The following CDH13 variants were observed in gnomAD, a reference collection of about 807,000 sequenced individuals.
CDH13 encodes cadherin-13.
A neutral mutation model predicts 63.8 loss-of-function variants in CDH13; 24 were observed. That is an observed-to-expected ratio of 0.38 (90% CI 0.27 to 0.53). CDH13 has a LOEUF of 0.53. CDH13 is among the 20% of genes least tolerant of loss of function. The pLI, the probability that CDH13 is intolerant of heterozygous loss-of-function variation, is 0.85. For synonymous variants in CDH13, 503 were observed against 355.3 expected, an observed-to-expected ratio of 1.42 and a Z score of -4.67; for missense variants, 1,049 against 903.1, an observed-to-expected ratio of 1.16 and a Z score of -2.07.
intron 1 of CDH13, among the ~76,000 whole-genome samples, chr16:82,721,805 G>C (rs1490349452): frequency 2.0e-5 from 3 of 152,158 alleles, no homozygotes; most frequent in African/African-American, 7.2e-5. Flanking sequence ...GGGTCAGTCT[G>C]GTCACTGTGA....
At chr16:82,846,314 C>T (rs1324743723) in intron 1 of CDH13, among the ~76,000 whole-genome samples, 1 of 151,768 alleles carries the variant, frequency 6.6e-6, no homozygotes, top group Non-Finnish European at 1.5e-5. Flanking sequence ...TTTATACATA[C>T]CCTCTATATT....
chr16:83,073,296 T>C (rs907896971), intron 3 of CDH13, among the ~76,000 whole-genome samples: 4 of 151,100 alleles, frequency 2.6e-5, no homozygotes, highest in Admixed American at 6.6e-5. Flanking sequence ...CATCAAGGAA[T>C]GGGCTCTCTC....
intron 2 of CDH13, among the ~76,000 whole-genome samples, chr16:82,906,106 C>A (rs1036622892): frequency 6.6e-6 from 1 of 152,184 alleles, no homozygotes; most frequent in Non-Finnish European, 1.5e-5. Context: ...GTACATCTAT[C>A]TCTCTAGAGA....
chr16:83,375,094 C>A (rs2091436935), intron 6 of CDH13, among the ~76,000 whole-genome samples: 1 of 152,138 alleles, frequency 6.6e-6, no homozygotes, highest in South Asian at 2.1e-4. Context: ...TCTGTCTGTG[C>A]AAGTCAGAGC....
intron 10 of CDH13, among the ~76,000 whole-genome samples, chr16:83,704,921 T>C (rs1221777711): frequency 6.6e-6 from 1 of 152,158 alleles, no homozygotes; most frequent in South Asian, 2.1e-4. Context: ...CTCCCTGGAG[T>C]TGAACTCCAA....
At chr16:82,979,039 T>C (rs1359586267) in intron 2 of CDH13, among the ~76,000 whole-genome samples, 4 of 152,216 alleles carry the variant, frequency 2.6e-5, no homozygotes, top group Non-Finnish European at 5.9e-5. Context: ...ATGTGAGACA[T>C]GAAGTCAAAG....
intron 3 of CDH13, among the ~76,000 whole-genome samples, chr16:83,049,760 T>C (rs1423872706): frequency 3.3e-5 from 5 of 152,248 alleles, no homozygotes; most frequent in African/African-American, 9.6e-5. Context: ...CATCTGTTGA[T>C]GGCCATTTGG....
intron 1 of CDH13, among the ~76,000 whole-genome samples, chr16:82,797,583 C>G (rs1730599580): frequency 6.6e-6 from 1 of 152,128 alleles, no homozygotes; most frequent in African/African-American, 2.4e-5. Context: ...TGCTATTTAA[C>G]TAGAAAACAA....
In CDH13 at chr16:83,353,347, C is replaced by T. The variant is rs554539638; in HGVS notation, c.781+8341C>T. On this transcript the variant is annotated intron_variant, in intron 6 of 13. Transcript: ENST00000567109. ...CCTTGTCATAGCCATTGGGATTTCCCTCCTCCATATCCCAGGCCCCCACCC... is the reference window on the plus strand; with the variant it reads ...CCTTGTCATAGCCATTGGGATTTCCTTCCTCCATATCCCAGGCCCCCACCC... 4.6e-5 allele frequency among the ~76,000 whole-genome samples: 7 copies of T among 152,326 alleles called. No individual in the cohort carries two copies. In the East Asian group the frequency reaches 7.7e-4, roughly 17 times the overall value.
At chr16:83,437,505 G>A (rs148516313) in intron 6 of CDH13, among the ~76,000 whole-genome samples, 173 of 151,876 alleles carry the variant, frequency 1.1e-3, no homozygotes, top group African/African-American at 4.0e-3. Flanking sequence ...GTGAAACCCC[G>A]TCTCTACTAC....
chr16:83,732,637 G>A (rs1046480814), intron 10 of CDH13, among the ~76,000 whole-genome samples: 1 of 152,120 alleles, frequency 6.6e-6, no homozygotes, highest in African/African-American at 2.4e-5. Context: ...ATTCTTCCTG[G>A]CAACTGATGT....
chr16:83,462,262 T>A (rs572762283), intron 6 of CDH13, among the ~76,000 whole-genome samples: 1 of 152,236 alleles, frequency 6.6e-6, no homozygotes, highest in Non-Finnish European at 1.5e-5. Flanking sequence ...GAAGCAATGC[T>A]GTGGCTCCAT....
At chr16:83,645,307 C>T (rs892527502) in intron 8 of CDH13, among the ~76,000 whole-genome samples, 1 of 152,180 alleles carries the variant, frequency 6.6e-6, no homozygotes, top group Non-Finnish European at 1.5e-5. Context: ...AGAAAATCAA[C>T]TACTGCATGT....
chr16:83,485,309 T>A (rs1464721261), intron 6 of CDH13, among the ~76,000 whole-genome samples: 3 of 152,236 alleles, frequency 2.0e-5, no homozygotes, highest in Non-Finnish European at 4.4e-5. Flanking sequence ...TGCTGCCCAA[T>A]GGTCCTTGAC....
At chr16:82,806,369 G>A (rs775751173) in intron 1 of CDH13, among the ~76,000 whole-genome samples, 177 of 152,272 alleles carry the variant, frequency 1.2e-3, no homozygotes, top group Non-Finnish European at 2.1e-3. Context: ...GTCTACCATT[G>A]AAGGTACAAA....
rs1340514104 is a variant in CDH13, at chr16:83,796,040, A to C, written c.*1010A>C. On this transcript the variant is annotated 3_prime_UTR_variant, in exon 14 of 14. Transcript: ENST00000567109. The stretch of plus-strand genomic sequence containing the variant: ...TTCACGCTGTTTGTTTCATATATAC[A>C]GGCATAAAATAGAGTAAATACAGGT... The C allele has an allele frequency of 6.6e-6, 1 of 152,668 alleles. No individual in the cohort carries two copies. Among genetic ancestry groups the C allele is most frequent in the Non-Finnish European group, 1.5e-5 (1 of 68,042 alleles). 9.5% of individuals were successfully genotyped at this position (152,668 alleles called of 1,614,324 possible).
intron 1 of CDH13, among the ~76,000 whole-genome samples, chr16:82,791,661 A>G (rs1010191069): frequency 6.6e-6 from 1 of 152,182 alleles, no homozygotes; most frequent in Non-Finnish European, 1.5e-5. Context: ...TGGATCCAGC[A>G]GGGTGTCCAC....
At chr16:83,086,046 T>C (rs937035241) in intron 3 of CDH13, among the ~76,000 whole-genome samples, 2 of 152,302 alleles carry the variant, frequency 1.3e-5, no homozygotes, top group South Asian at 2.1e-4. Context: ...GCTGCTCCAA[T>C]TGAGAACAAA....
intron 5 of CDH13, among the ~76,000 whole-genome samples, chr16:83,332,857 G>T (rs2090507935): frequency 6.6e-6 from 1 of 152,164 alleles, no homozygotes; most frequent in South Asian, 2.1e-4. Flanking sequence ...TGAAAGTCTA[G>T]TGTGATTGTG....
Sources: gnomAD v4.1 joint callset for allele counts (sites outside exome capture counted in the v4.1 genomes callset) on GRCh38, gnomAD v4.1.1 for gene constraint, MANE v1.5 for transcripts, NCBI Gene and HGNC (gene_info 2026-07-23, HGNC 2026-07-21) for gene names.